The following HSPBAP1 variants were observed in gnomAD, a reference collection of about 807,000 sequenced individuals.
The protein encoded by HSPBAP1 is HSPB1 associated protein 1, also known as HSPB1-associated protein 1.
Under a neutral mutation model 45.2 loss-of-function variants are expected in HSPBAP1, and 27 were observed. The observed-to-expected ratio is 0.60, with a 90% confidence interval of 0.44 to 0.82. HSPBAP1 has a LOEUF of 0.82. Among genes scored for constraint, HSPBAP1 ranks in the 40% least tolerant of loss-of-function variants. The pLI is 0.00. For synonymous variants in HSPBAP1, 204 were observed against 202.7 expected, an observed-to-expected ratio of 1.01 and a Z score of -0.06; for missense variants, 510 against 590.9, an observed-to-expected ratio of 0.86 and a Z score of 1.42.
intron 6 of HSPBAP1, among the ~76,000 whole-genome samples, chr3:122,746,708 A>C (rs930381934): frequency 1.3e-5 from 2 of 151,462 alleles, no homozygotes; most frequent in African/African-American, 2.4e-5. Context: ...GCCGAGCCGA[A>C]GCTGGACTGT....
intron 1 of HSPBAP1, among the ~76,000 whole-genome samples, chr3:122,786,120 TA>T (rs112894281): frequency 0.057 from 8,263 of 145,362 alleles, 290 homozygotes; most frequent in Middle Eastern, 0.11. Context: ...CCTTTTAGAT[TA>T]AAAAAAAAAA....
intron 1 of HSPBAP1, among the ~76,000 whole-genome samples, chr3:122,783,564 T>C (rs754722720): frequency 2.1e-4 from 32 of 152,196 alleles, no homozygotes; most frequent in Non-Finnish European, 3.4e-4. Context: ...ACTTTTTACA[T>C]GTACATGGGA....
At chr3:122,753,498 C>A (rs148479821) in intron 5 of HSPBAP1, 9 of 982,254 alleles carry the variant, frequency 9.2e-6, no homozygotes, top group Non-Finnish European at 1.1e-5. Flanking sequence ...GAGATACTTG[C>A]AAAGGTCCAC....
Position 122,754,766 on chromosome 3 carries a change from A to AGTT in HSPBAP1, c.741+491_741+493dup, listed in dbSNP as rs1212906036. ...TACAGTACCTTTGGAAATGTTTCAGAGTTAGTAATTTATGAAAACAACATC... is the reference window on the plus strand; with the variant it reads ...TACAGTACCTTTGGAAATGTTTCAGAGTTGTTAGTAATTTATGAAAACAACATC... On this transcript the variant is annotated intron_variant, in intron 5 of 7. Coordinates refer to ENST00000306103, the MANE Select transcript of HSPBAP1 (RefSeq NM_024610.6). 3 of 985,726 alleles carry AGTT rather than the reference A, an allele frequency of 3.0e-6. No individual in the cohort carries two copies. In the African/African-American group the frequency reaches 5.2e-5, roughly 17 times the overall value. 61.1% of individuals were successfully genotyped at this position (985,726 alleles called of 1,614,324 possible). A position where few individuals can be genotyped will look rare whatever the true frequency, so the allele number is the denominator to read the frequency against.
chr3:122,774,683 A>C (rs1023818537), intron 2 of HSPBAP1, among the ~76,000 whole-genome samples: 1 of 152,226 alleles, frequency 6.6e-6, no homozygotes, highest in Non-Finnish European at 1.5e-5. Flanking sequence ...GGATGAGGCC[A>C]CGCAACTATG....
rs775891618 is a variant in HSPBAP1, at chr3:122,740,769, C to G, written c.1043G>C (p.Arg348Thr). 65 of 1,613,990 alleles carry G rather than the reference C, an allele frequency of 4.0e-5. No individual in the cohort carries two copies. The Admixed American group carries it at 1.1e-3, about 26-fold the overall frequency. Residue 348 changes from arginine (R) to threonine (T), a missense_variant, in exon 8 of 8, where the codon AGA becomes ACA. By Grantham distance (71) the Arg-to-Thr change is moderately conservative. Coordinates refer to ENST00000306103, the MANE Select transcript of HSPBAP1 (RefSeq NM_024610.6). ...TSEVVEIQAL[R>T]TDGEHMKKEE... is the part of the protein sequence containing the mutation. ...CTTTTTCATGTGCTCTCCATCTGTTCTCAGTGCTTGGATTTCTACTACCTC... is the reference window on the plus strand; with the variant it reads ...CTTTTTCATGTGCTCTCCATCTGTTGTCAGTGCTTGGATTTCTACTACCTC...
At chr3:122,766,261 G>T (rs749460301) in intron 3 of HSPBAP1, among the ~76,000 whole-genome samples, 1 of 152,090 alleles carries the variant, frequency 6.6e-6, no homozygotes, top group Non-Finnish European at 1.5e-5. Flanking sequence ...CCATTTTAAT[G>T]TTTAACTACC....
intron 1 of HSPBAP1, among the ~76,000 whole-genome samples, chr3:122,779,507 T>TATTTATTTA (rs1935329389): frequency 6.6e-6 from 1 of 150,490 alleles, no homozygotes; most frequent in African/African-American, 2.4e-5. Flanking sequence ...TTTATTTATT[T>TATTTATTTA]ATTTATTTAT....
chr3:122,773,739 G>A (rs920646070), intron 2 of HSPBAP1, among the ~76,000 whole-genome samples: 2 of 152,114 alleles, frequency 1.3e-5, no homozygotes, highest in African/African-American at 4.8e-5. Context: ...CCAGGCTCAG[G>A]TGATCTCCCA....
intron 6 of HSPBAP1, among the ~76,000 whole-genome samples, chr3:122,746,276 G>T (rs1459337755): frequency 4.1e-5 from 2 of 49,382 alleles, no homozygotes; most frequent in Non-Finnish European, 4.5e-5. Context: ...ATTTAATATG[G>T]ATCAAAAAAA....
rs781126464 is a variant in HSPBAP1 at position 122,759,379 on chromosome 3, G to T, written c.433-19C>A. ...TCACATCCTGTTTTGAAATAAAGTT[G>T]CAATCCATCAAGAACTAACCAACTT... On this transcript the variant is annotated intron_variant, in intron 3 of 7. Transcript: ENST00000306103. The T allele has an allele frequency of 3.1e-6, 5 of 1,609,722 alleles. No homozygotes were observed. The African/African-American group carries it at 6.7e-5, about 22-fold the overall frequency.
Position 122,777,698 on chromosome 3 carries a change from ATGGT to A in HSPBAP1, c.250+19_250+22del. The A allele has an allele frequency of 6.4e-7, 1 of 1,562,200 alleles. No individual in the cohort carries two copies. Among genetic ancestry groups the A allele is most frequent in the South Asian group, 1.1e-5 (1 of 87,498 alleles). ...GGGATGCTCCTGAAGAGACATTATGATGGTGATTACCTATAGTCATACCTGTGCT... is the reference window on the plus strand; with the variant it reads ...GGGATGCTCCTGAAGAGACATTATGAGATTACCTATAGTCATACCTGTGCT... On this transcript the variant is annotated intron_variant, in intron 2 of 7. Coordinates refer to ENST00000306103, the MANE Select transcript of HSPBAP1 (RefSeq NM_024610.6).
At chr3:122,791,899 AGAGTGGAGAAGGG>A (rs2107547963) in intron 1 of HSPBAP1, among the ~76,000 whole-genome samples, 1 of 152,334 alleles carries the variant, frequency 6.6e-6, no homozygotes, top group East Asian at 1.9e-4. Context: ...TTTTTGCTGC[AGAGTGGAGAAGGG>A]ATTAGAGGGG....
At chr3:122,782,895 T>TA (rs1449596147) in intron 1 of HSPBAP1, among the ~76,000 whole-genome samples, 1 of 152,200 alleles carries the variant, frequency 6.6e-6, no homozygotes, top group Non-Finnish European at 1.5e-5. Flanking sequence ...ACTGAAAACT[T>TA]AAATCAGTTT....
intron 1 of HSPBAP1, among the ~76,000 whole-genome samples, chr3:122,779,901 A>C (rs370987079): frequency 9.1e-4 from 138 of 151,482 alleles, no homozygotes; most frequent in Non-Finnish European, 1.2e-3. Flanking sequence ...TCTCCCATGT[A>C]TACTTCTTTC....
Position 122,782,347 on chromosome 3 carries a change from A to G in HSPBAP1, c.65-4441T>C, listed in dbSNP as rs370960830. The stretch of plus-strand genomic sequence containing the variant: ...AATCCTTGGTTTCAACTGCATCTAT[A>G]AACAGTACAGAAGAGCTCTACAAAC... On this transcript the variant is annotated intron_variant, in intron 1 of 7. Transcript: ENST00000306103. Among the ~76,000 whole-genome samples the G allele has an allele frequency of 3.3e-5, 5 of 152,248 alleles. No individual in the cohort carries two copies. In the East Asian group the frequency reaches 9.6e-4, roughly 29 times the overall value.
At chr3:122,757,837 T>C (rs966253431) in intron 4 of HSPBAP1, among the ~76,000 whole-genome samples, 2 of 152,242 alleles carry the variant, frequency 1.3e-5, no homozygotes, top group Non-Finnish European at 2.9e-5. Context: ...TTGTTTCCAA[T>C]TCAGAACACA....
intron 1 of HSPBAP1, among the ~76,000 whole-genome samples, chr3:122,792,658 A>G (rs892739929): frequency 6.6e-6 from 1 of 152,046 alleles, no homozygotes; most frequent in East Asian, 1.9e-4. Flanking sequence ...GCGGATCACA[A>G]GGTCAAGAGA....
chr3:122,752,945 T>C (rs764570420), intron 5 of HSPBAP1: 9 of 1,123,292 alleles, frequency 8.0e-6, no homozygotes, highest in Non-Finnish European at 9.8e-6. Flanking sequence ...ACCTAAATCT[T>C]AGTACATGAT....
Sources: gnomAD v4.1 joint callset for allele counts (sites outside exome capture counted in the v4.1 genomes callset) on GRCh38, gnomAD v4.1.1 for gene constraint, MANE v1.5 for transcripts, NCBI Gene and HGNC (gene_info 2026-07-23, HGNC 2026-07-21) for gene names.